Variants in RMND5B observed in about 807,000 individuals in gnomAD.
RMND5B encodes E3 ubiquitin-protein transferase RMND5B.
In RMND5B, 42 loss-of-function variants were observed where a neutral mutation model predicts 50.4. The observed-to-expected ratio is 0.83, with a 90% CI of 0.65 to 1.08. RMND5B has a LOEUF of 1.08. RMND5B is among the 50% of genes least tolerant of loss of function. The probability of loss-of-function intolerance (pLI) is 0.00; values close to 1 mark genes in which losing one functional copy is unlikely to be tolerated. For missense variants in RMND5B, 463 were observed against 508.5 expected, an observed-to-expected ratio of 0.91 and a Z score of 0.86; for synonymous variants, 220 against 210.0, an observed-to-expected ratio of 1.05 and a Z score of -0.41.
At chr5:178,131,865 G>A (rs1758328643) in intron 2 of RMND5B, among the ~76,000 whole-genome samples, 1 of 151,850 alleles carries the variant, frequency 6.6e-6, no homozygotes, top group African/African-American at 2.4e-5. Flanking sequence ...AAGAGTGGTA[G>A]GAGATGAGGT....
chr5:178,147,391 T>TGTGA, intron 8 of RMND5B, 142 bp from the exon 9 acceptor site: 1 of 636,564 alleles, frequency 1.6e-6, no homozygotes, highest in South Asian at 1.9e-5. Context: ...TTATGAACAA[T>TGTGA]GTGAGGGATC....
chr5:178,142,906 G>C lies in RMND5B; in HGVS notation c.340G>C (p.Glu114Gln). Residue 114 changes from glutamate to glutamine, a missense_variant, in exon 5 of 11, where the codon GAA (glutamate) becomes CAA (glutamine). Coordinates refer to ENST00000313386, the MANE Select transcript of RMND5B (RefSeq NM_022762.5). ...VVSDAVWDAR[E>Q]QQQQILQMAI... ...GTCAGATGCGGTGTGGGACGCGCGG[G>C]AACAGCAGCAGCAGATCCTGCAGAT... 1.9e-6 allele frequency: 3 copies of C among 1,614,210 alleles called. No homozygotes were observed. Among genetic ancestry groups the C allele is most frequent in the Non-Finnish European group, 2.5e-6 (3 of 1,180,040 alleles).
At chr5:178,132,861 T>TTTTG (rs367971781) in intron 2 of RMND5B, among the ~76,000 whole-genome samples, 1 of 130,346 alleles carries the variant, frequency 7.7e-6, no homozygotes, top group Non-Finnish European at 1.6e-5. Flanking sequence ...TTTTTTTTGT[T>TTTTG]TTTGTTTGTT....
At chr5:178,146,012 C>T (rs557477091) in intron 7 of RMND5B, 102 bp from the exon 8 acceptor site, 36 of 1,237,358 alleles carry the variant, frequency 2.9e-5, no homozygotes, top group East Asian at 1.2e-4. Flanking sequence ...TGGGAGCCAC[C>T]GGGCTCAGCA....
At position 178,137,250 on chromosome 5, in the gene RMND5B, C is replaced by G. The variant is rs1241278418; in HGVS notation, c.-12-858C>G. ...GTGAGGCAGGAGTGCTGGGCAAGTC[C>G]GTCAGGCCAGCATGGTTGGCAGTTA... On this transcript the variant is annotated intron_variant, in intron 2 of 10. Coordinates refer to ENST00000313386, the MANE Select transcript of RMND5B (RefSeq NM_022762.5). The surrounding 1 kb of genome is among the most constrained non-coding windows in gnomAD (Gnocchi z 4.4). Among the ~76,000 whole-genome samples, 1 of 152,108 alleles carries G rather than the reference C, an allele frequency of 6.6e-6. No homozygotes were observed. Among genetic ancestry groups the G allele is most frequent in the Admixed American group, 6.6e-5 (1 of 15,262 alleles).
In RMND5B at chr5:178,144,072, C is replaced by G; in HGVS notation, c.658C>G (p.Arg220Gly). 6.8e-6 allele frequency: 11 copies of G among 1,614,162 alleles called. No individual in the cohort carries two copies. The highest frequency in any genetic ancestry group is 9.3e-6 in the Non-Finnish European group (11 of 1,180,040). Residue 220 changes from arginine (R) to glycine (G), a missense_variant, in exon 7 of 11, where the codon CGG becomes GGG. By Grantham distance (125) the Arg-to-Gly change is moderately radical. Transcript: ENST00000313386. ...GCAGCTGGAGGCCCTCAGCTATGCTCGGCACTTCCAGCCCTTTGCTCGGCT... is the reference window on the plus strand; with the variant it reads ...GCAGCTGGAGGCCCTCAGCTATGCTGGGCACTTCCAGCCCTTTGCTCGGCT... ...AKQLEALSYA[R>G]HFQPFARLHQ...
intron 9 of RMND5B, 28 bp downstream of exon 9, chr5:178,147,663 C>CA (rs1457957431): frequency 6.2e-7 from 1 of 1,613,884 alleles, no homozygotes; most frequent in South Asian, 1.1e-5. Flanking sequence ...GAATCGTGGG[C>CA]AAGAGGTACT....
chr5:178,147,853 A>G lies in RMND5B; in HGVS notation c.1088A>G (p.Asp363Gly). Reference sequence around the variant, plus strand: ...ATCTGTGGCCATGTTATCTCCCGAGATGCACTCAATAAGCTCATTAATGGA... The same window carrying G: ...ATCTGTGGCCATGTTATCTCCCGAGGTGCACTCAATAAGCTCATTAATGGA... ...KLICGHVISR[D>G]ALNKLINGGK... The change falls in exon 10 of 11, where the codon GAT becomes GGT. Residue 363 changes from aspartate to glycine, a missense_variant. Asp to Gly is a moderately conservative substitution (Grantham distance 94). Transcript: ENST00000313386. 6.2e-7 allele frequency: 1 copy of G among 1,614,046 alleles called. No individual in the cohort carries two copies. Among genetic ancestry groups the G allele is most frequent in the Non-Finnish European group, 8.5e-7 (1 of 1,180,020 alleles).
intron 2 of RMND5B, among the ~76,000 whole-genome samples, chr5:178,132,789 CAAAAAAAAAAA>C (rs58710080): frequency 0.012 from 468 of 38,938 alleles, 13 homozygotes; most frequent in African/African-American, 0.045. Flanking sequence ...CCCTGCCTCA[CAAAAAAAAAAA>C]AAAAAAAAAA....
intron 10 of RMND5B, 31 bp from the exon 11 acceptor site, chr5:178,147,938 T>C (rs770356665): frequency 2.5e-6 from 4 of 1,614,046 alleles, no homozygotes; most frequent in Admixed American, 1.7e-5. Flanking sequence ...TGGCCACCCC[T>C]GAGACGTTCT....
chr5:178,143,586 C>T, intron 5 of RMND5B, 41 bp from the exon 6 acceptor site: 1 of 1,459,372 alleles, frequency 6.9e-7, no homozygotes, highest in East Asian at 2.3e-5. Context: ...TTTGGAAACA[C>T]CATCTTCCAG....
chr5:178,138,157 A>G lies in RMND5B; in HGVS notation c.38A>G (p.Lys13Arg). ...QCACVERELD[K>R]VLQKFLTYGQ... ...GCGTGCGTGGAGAGAGAGCTGGACAAGGTCCTGCAGAAGTTCCTGACCTAC... is the reference window on the plus strand; with the variant it reads ...GCGTGCGTGGAGAGAGAGCTGGACAGGGTCCTGCAGAAGTTCCTGACCTAC... Residue 13 changes from lysine to arginine, a missense_variant, in exon 3 of 11, where the codon AAG (lysine) becomes AGG (arginine). Lys to Arg is a conservative substitution (Grantham distance 26). Transcript: ENST00000313386. This position sits in a 1 kb window ranked among gnomAD's most constrained non-coding sequence, Gnocchi z 5.1. The G allele has an allele frequency of 6.2e-7, 1 of 1,612,288 alleles. No homozygotes were observed. The highest frequency in any genetic ancestry group is 8.5e-7 in the Non-Finnish European group (1 of 1,179,254).
rs10657977 is a variant in RMND5B, at chr5:178,138,519, TTGTGTGTGTG to T, written c.139+281_139+290del. Reference sequence around the variant, plus strand: ...TTTTTAACTTTTTTTCATTTTATAATTGTGTGTGTGTGTGTGTGTGTGTGTGTGTAGAAAC... The same window carrying T: ...TTTTTAACTTTTTTTCATTTTATAATTGTGTGTGTGTGTGTGTGTAGAAAC... On this transcript the variant is annotated intron_variant, in intron 3 of 10. Coordinates refer to ENST00000313386, the MANE Select transcript of RMND5B (RefSeq NM_022762.5). This position sits in a 1 kb window ranked among gnomAD's most constrained non-coding sequence, Gnocchi z 5.1. 3.8e-4 allele frequency: 114 copies of T among 301,472 alleles called. 2 individuals are homozygous for T. The highest frequency in any genetic ancestry group is 5.4e-4 in the Non-Finnish European group (96 of 179,420). The allele number at this position is 301,472 out of a possible 1,614,324, so 18.7% of individuals were successfully genotyped here.
At position 178,135,302 on chromosome 5, in the gene RMND5B, A is replaced by G. The variant is rs1243591816; in HGVS notation, c.-12-2806A>G. ...GGAGCTGGGACCACAGGCGTGTGCC[A>G]CCATGCCCAGGTAAATTTGCCGTGT... On this transcript the variant is annotated intron_variant, in intron 2 of 10. Coordinates refer to ENST00000313386, the MANE Select transcript of RMND5B (RefSeq NM_022762.5). 45 of 210,132 alleles carry G rather than the reference A, an allele frequency of 2.1e-4. 1 individual carries two copies. The Admixed American group carries it at 2.5e-3, about 12-fold the overall frequency. 13.0% of individuals were successfully genotyped at this position (210,132 alleles called of 1,614,324 possible).
rs371621330 is a variant in RMND5B, at chr5:178,147,765, T to C, written c.1000T>C (p.Ser334Pro). ...IELGMKCWYHSVFACPILRQQ... is the reference protein window; with the variant it reads ...IELGMKCWYHPVFACPILRQQ... ...ACTAGGCATGAAGTGCTGGTACCAC[T>C]CCGTGTTCGCTTGCCCCATCCTCCG... The change falls in exon 10 of 11, where the codon TCC (serine) becomes CCC (proline). Residue 334 changes from serine (S) to proline (P), a missense_variant. Physicochemically the swap from Ser to Pro is moderately conservative, Grantham distance 74. Coordinates refer to ENST00000313386, the MANE Select transcript of RMND5B (RefSeq NM_022762.5). 4.3e-6 allele frequency: 7 copies of C among 1,614,032 alleles called. No homozygotes were observed. The highest frequency in any genetic ancestry group is 2.7e-5 in the African/African-American group (2 of 74,900).
Position 178,148,238 on chromosome 5 carries a change from A to T in RMND5B, c.*206A>T. The stretch of plus-strand genomic sequence containing the variant: ...CACGCCTGGCACCTGGCTCCATGGC[A>T]TAAGGAAAGGGAGATGCTGGCCTCT... On this transcript the variant is annotated 3_prime_UTR_variant, in exon 11 of 11. Coordinates refer to ENST00000313386, the MANE Select transcript of RMND5B (RefSeq NM_022762.5). 1.6e-6 allele frequency: 1 copy of T among 606,838 alleles called. No homozygotes were observed. Among genetic ancestry groups the T allele is most frequent in the Non-Finnish European group, 2.9e-6 (1 of 341,102 alleles). The allele number at this position is 606,838 out of a possible 1,614,324, so 37.6% of individuals were successfully genotyped here. A position where few individuals can be genotyped will look rare whatever the true frequency, so the allele number is the denominator to read the frequency against.
At chr5:178,134,019 A>G (rs1186705069) in intron 2 of RMND5B, among the ~76,000 whole-genome samples, 1 of 152,198 alleles carries the variant, frequency 6.6e-6, no homozygotes, top group African/African-American at 2.4e-5. Flanking sequence ...TGCCCCAATC[A>G]ACAAATGTTT....
At chr5:178,144,596 G>A (rs928187350) in intron 7 of RMND5B, among the ~76,000 whole-genome samples, 3 of 151,860 alleles carry the variant, frequency 2.0e-5, no homozygotes, top group Middle Eastern at 3.2e-3. Flanking sequence ...TTAGCTGGGC[G>A]TTGTGGCGGG....
At chr5:178,139,134 C>T (rs1758777323) in intron 3 of RMND5B, among the ~76,000 whole-genome samples, 1 of 151,476 alleles carries the variant, frequency 6.6e-6, no homozygotes, top group Admixed American at 6.6e-5. Flanking sequence ...AGACTCGTCT[C>T]AAAAAACAAA....
Sources: gnomAD v4.1 joint callset for allele counts (sites outside exome capture counted in the v4.1 genomes callset) on GRCh38, gnomAD v4.1.1 for gene constraint, Gnocchi (gnomAD v3.1) non-coding constraint, MANE v1.5 for transcripts, NCBI Gene and HGNC (gene_info 2026-07-23, HGNC 2026-07-21) for gene names.